The following RHOBTB2 variants were observed in gnomAD, a reference collection of about 807,000 sequenced individuals.
RHOBTB2 encodes rho-related BTB domain-containing protein 2.
In RHOBTB2, 39 loss-of-function variants were observed where a neutral mutation model predicts 66.5. The ratio of observed to expected loss-of-function variants is 0.59; its 90% CI spans 0.45 to 0.77. The LOEUF (loss-of-function observed/expected upper bound fraction) is 0.77. Ranked by LOEUF, RHOBTB2 falls within the 30% of genes least tolerant of loss-of-function variation. RHOBTB2 has a pLI of 0.00. For synonymous variants in RHOBTB2, 390 were observed against 395.0 expected, an observed-to-expected ratio of 0.99 and a Z score of 0.15; for missense variants, 755 against 999.1, an observed-to-expected ratio of 0.76 and a Z score of 3.29.
Position 23,006,241 on chromosome 8 carries a change from C to G in RHOBTB2, c.482+96C>G. The G allele has an allele frequency of 9.3e-7, 1 of 1,069,924 alleles. No homozygotes were observed. 66.3% of individuals were successfully genotyped at this position (1,069,924 alleles called of 1,614,324 possible). A position where few individuals can be genotyped will look rare whatever the true frequency, so the allele number is the denominator to read the frequency against. On this transcript the variant is annotated intron_variant, in intron 4 of 9. Coordinates refer to ENST00000251822, the MANE Select transcript of RHOBTB2 (RefSeq NM_015178.3). The surrounding 1 kb of genome is among the most constrained non-coding windows in gnomAD (Gnocchi z 6.1). Reference sequence around the variant, plus strand: ...GGGAATTCCACTGAGCCTCATATCTCTCCCTCCATTTGGAGCAAGCTTGCA... The same window carrying G: ...GGGAATTCCACTGAGCCTCATATCTGTCCCTCCATTTGGAGCAAGCTTGCA...
chr8:22,998,724 CA>C (rs555614764), upstream of RHOBTB2, among the ~76,000 whole-genome samples: 294 of 81,296 alleles, frequency 3.6e-3, 1 homozygote, highest in African/African-American at 0.011. Flanking sequence ...GAGGGAGACT[CA>C]AAAAAAAAAA....
rs999337546 is a variant in RHOBTB2, at chr8:23,019,152, G to C, written c.*1683G>C. On this transcript the variant is annotated 3_prime_UTR_variant, in exon 10 of 10. Transcript: ENST00000251822. ...CCTGAGAGAGATGTTCTAGCTGAGA[G>C]GGCCTGGCCCTGGGGTGGGCTCCAG... The C allele has an allele frequency of 6.6e-6, 1 of 152,476 alleles. No individual in the cohort carries two copies. Among genetic ancestry groups the C allele is most frequent in the Non-Finnish European group, 1.5e-5 (1 of 68,222 alleles). 9.4% of individuals were successfully genotyped at this position (152,476 alleles called of 1,614,324 possible). A position where few individuals can be genotyped will look rare whatever the true frequency, so the allele number is the denominator to read the frequency against.
intron 8 of RHOBTB2, 25 bp downstream of exon 8, chr8:23,014,803 A>G: frequency 6.3e-7 from 1 of 1,584,312 alleles, no homozygotes; most frequent in Non-Finnish European, 8.7e-7. Flanking sequence ...GAGGGAATCT[A>G]CAACAGTCTC....
chr8:22,990,193 AAG>A (rs1266272471), intron 1 of RHOBTB2, among the ~76,000 whole-genome samples: 1 of 152,216 alleles, frequency 6.6e-6, no homozygotes, highest in Non-Finnish European at 1.5e-5. Context: ...AAATGAAAAA[AAG>A]AAAGGATAAA....
chr8:22,964,854 T>C, the RHOBTB2 span, among the ~76,000 whole-genome samples: 1 of 151,750 alleles, frequency 6.6e-6, no homozygotes, highest in African/African-American at 2.4e-5. Context: ...TCTTGCTCTG[T>C]CACCCAGGCT....
At chr8:22,974,756 A>C in the RHOBTB2 span, among the ~76,000 whole-genome samples, 7 of 152,144 alleles carry the variant, frequency 4.6e-5, no homozygotes, top group South Asian at 1.2e-3. Flanking sequence ...CAGCAGGGGG[A>C]GAGAAAGGGC....
upstream of RHOBTB2, among the ~76,000 whole-genome samples, chr8:22,984,313 T>C (rs1810256920): frequency 6.6e-6 from 1 of 152,130 alleles, no homozygotes; most frequent in South Asian, 2.1e-4. Flanking sequence ...GCTGGCTCTG[T>C]TGGAGAGGTC....
intron 6 of RHOBTB2, among the ~76,000 whole-genome samples, chr8:23,009,732 A>C (rs758863135): frequency 3.3e-5 from 5 of 152,186 alleles, no homozygotes; most frequent in African/African-American, 4.8e-5. Flanking sequence ...TACTTAAGGA[A>C]GGCTAAGTGG....
chr8:22,983,427 G>T (rs574707537), upstream of RHOBTB2, among the ~76,000 whole-genome samples: 143 of 151,040 alleles, frequency 9.5e-4, no homozygotes, highest in Non-Finnish European at 1.7e-3. Flanking sequence ...GAGGCAGGAG[G>T]ATCACTTGAG....
chr8:22,965,338 C>T, the RHOBTB2 span, among the ~76,000 whole-genome samples: 701 of 152,174 alleles, frequency 4.6e-3, 2 homozygotes, highest in African/African-American at 0.016. Flanking sequence ...CTTAATGTTG[C>T]TAAGATGTCA....
chr8:22,996,743 G>A (rs1810579596), upstream of RHOBTB2, among the ~76,000 whole-genome samples: 2 of 152,122 alleles, frequency 1.3e-5, no homozygotes, highest in African/African-American at 4.8e-5. Flanking sequence ...TGTGCTGTGA[G>A]ACGCTGCTGC....
At chr8:22,962,230 T>A in the RHOBTB2 span, among the ~76,000 whole-genome samples, 96 of 46,682 alleles carry the variant, frequency 2.1e-3, no homozygotes, top group Non-Finnish European at 2.6e-3. Flanking sequence ...AAAGAGAAAG[T>A]AACCCACAAA....
chr8:23,012,392 T>C (rs1391561037), intron 7 of RHOBTB2, among the ~76,000 whole-genome samples: 2 of 152,204 alleles, frequency 1.3e-5, no homozygotes, highest in African/African-American at 4.8e-5. Context: ...TAAGTAACTT[T>C]TCATGAAATT....
At chr8:22,976,522 G>A in the RHOBTB2 span, among the ~76,000 whole-genome samples, 1 of 152,186 alleles carries the variant, frequency 6.6e-6, no homozygotes, top group Non-Finnish European at 1.5e-5. Flanking sequence ...CCAACAAAGT[G>A]CCAAAGAAGA....
chr8:22,996,890 A>G (rs2128799432), upstream of RHOBTB2, among the ~76,000 whole-genome samples: 1 of 152,166 alleles, frequency 6.6e-6, no homozygotes, highest in South Asian at 2.1e-4. Flanking sequence ...GGCAAAGATG[A>G]AGGGACGTGC....
At chr8:22,972,483 G>A in the RHOBTB2 span, among the ~76,000 whole-genome samples, 2 of 152,020 alleles carry the variant, frequency 1.3e-5, no homozygotes, top group Non-Finnish European at 2.9e-5. Flanking sequence ...CAGCCCTCCC[G>A]GGGACGTTAG....
chr8:22,965,248 AT>A, the RHOBTB2 span, among the ~76,000 whole-genome samples: 1 of 152,352 alleles, frequency 6.6e-6, no homozygotes, highest in South Asian at 2.1e-4. Context: ...GACTTTAAAA[AT>A]AATTGTAATA....
chr8:23,014,829 C>G lies in RHOBTB2; in HGVS notation c.1860+51C>G, dbSNP rs767001610. The G allele has an allele frequency of 4.8e-6, 7 of 1,463,426 alleles. No homozygotes were observed. In the Admixed American group the frequency reaches 8.6e-5, roughly 18 times the overall value. The allele number at this position is 1,463,426 out of a possible 1,614,324, so 90.7% of individuals were successfully genotyped here. ...CAACAGTCTCAGTTCTACACTCTGC[C>G]TGCCCATTGGCTGCGAATGGGAAGG... is the stretch of plus-strand genomic sequence containing the variant. On this transcript the variant is annotated intron_variant, in intron 8 of 9. Transcript: ENST00000251822.
At chr8:23,010,362 C>T (rs899156962) in intron 6 of RHOBTB2, among the ~76,000 whole-genome samples, 176 bp from the exon 7 acceptor site, 8 of 152,182 alleles carry the variant, frequency 5.3e-5, no homozygotes, top group Admixed American at 2.0e-4. Flanking sequence ...CAGGTTGTCG[C>T]TCTAGGGGTC....
Sources: allele counts gnomAD v4.1 joint callset (sites outside exome capture counted in the v4.1 genomes callset), GRCh38; gene constraint gnomAD v4.1.1; non-coding constraint Gnocchi (gnomAD v3.1); transcripts MANE v1.5; gene names NCBI Gene and HGNC (gene_info 2026-07-23, HGNC 2026-07-21).